FAM81A: variants seen among roughly 807,000 people sequenced by gnomAD.
The protein encoded by FAM81A is protein FAM81A.
A neutral mutation model predicts 46.7 loss-of-function variants in FAM81A; 19 were observed. The observed-to-expected ratio is 0.41, with a 90% confidence interval of 0.28 to 0.60. FAM81A has a LOEUF of 0.60. Among genes scored for constraint, FAM81A ranks in the 20% least tolerant of loss-of-function variants. The probability of loss-of-function intolerance (pLI) is 0.34; values close to 1 mark genes in which losing one functional copy is unlikely to be tolerated. For missense variants in FAM81A, 377 were observed against 453.5 expected (o/e 0.83, Z 1.53); for synonymous variants, 183 against 152.9 (o/e 1.20, Z -1.45).
chr15:59,435,197 G>C (rs2081237950), upstream of FAM81A, among the ~76,000 whole-genome samples: 1 of 152,146 alleles, frequency 6.6e-6, no homozygotes, highest in South Asian at 2.1e-4. Context: ...TGAGGCGGGA[G>C]AATTGCTTGA....
At chr15:59,435,258 G>C (rs1457101358), upstream of FAM81A, among the ~76,000 whole-genome samples, 1 of 150,630 alleles carries the variant, frequency 6.6e-6, no homozygotes, top group African/African-American at 2.4e-5. Context: ...CTGCACTCCA[G>C]CCTGGCGACA....
intron 4 of FAM81A, among the ~76,000 whole-genome samples, chr15:59,496,674 C>G (rs2082037580): frequency 6.6e-6 from 1 of 152,090 alleles, no homozygotes; most frequent in Non-Finnish European, 1.5e-5. Flanking sequence ...CAATTCTATT[C>G]CATTGATTCT....
intron 2 of FAM81A, among the ~76,000 whole-genome samples, chr15:59,415,174 A>C (rs546188586): frequency 6.8e-6 from 1 of 146,386 alleles, no homozygotes; most frequent in East Asian, 2.0e-4. Flanking sequence ...GCTGGAGTGC[A>C]GTGGCACGAT....
At chr15:59,491,436 T>G (rs1464498066) in intron 3 of FAM81A, among the ~76,000 whole-genome samples, 1 of 150,022 alleles carries the variant, frequency 6.7e-6, no homozygotes, top group Non-Finnish European at 1.5e-5. Context: ...TAGTGGGGGG[T>G]GGGGTGGAAA....
chr15:59,444,426 T>C (rs568564765), intron 1 of FAM81A: 2 of 152,270 alleles, frequency 1.3e-5, no homozygotes, highest in Non-Finnish European at 2.9e-5. Flanking sequence ...TAACGTCGTG[T>C]GTATGTGTCA....
intron 4 of FAM81A, 115 bp downstream of exon 4, chr15:59,492,504 A>G (rs2081992190): frequency 1.3e-6 from 1 of 778,968 alleles, no homozygotes; most frequent in African/African-American, 1.7e-5. Flanking sequence ...TTCCTTTAGT[A>G]CATTCCCTCC....
At chr15:59,472,638 A>G (rs1212062986) in intron 3 of FAM81A, among the ~76,000 whole-genome samples, 3 of 150,972 alleles carry the variant, frequency 2.0e-5, no homozygotes, top group African/African-American at 7.3e-5. Flanking sequence ...GTAGCCTCTA[A>G]CTCCTGGGTT....
At chr15:59,419,849 G>C (rs1169945486) in intron 2 of FAM81A, among the ~76,000 whole-genome samples, 3 of 152,134 alleles carry the variant, frequency 2.0e-5, no homozygotes, top group Non-Finnish European at 2.9e-5. Context: ...CTGTACTCAA[G>C]CCTGGACAAC....
intron 2 of FAM81A, among the ~76,000 whole-genome samples, chr15:59,424,771 C>G (rs1790751203): frequency 6.6e-6 from 1 of 152,210 alleles, no homozygotes; most frequent in East Asian, 1.9e-4. Context: ...TCCACCGTGT[C>G]TATATCTATT....
chr15:59,428,041 C>G (rs914337190), intron 2 of FAM81A, among the ~76,000 whole-genome samples: 1 of 152,214 alleles, frequency 6.6e-6, no homozygotes, highest in Non-Finnish European at 1.5e-5. Context: ...CGAGGATTCC[C>G]TCTTCTGCAC....
intron 3 of FAM81A, among the ~76,000 whole-genome samples, chr15:59,474,050 G>A (rs76007832): frequency 0.041 from 6,219 of 152,202 alleles, 186 homozygotes; most frequent in Non-Finnish European, 0.063. Context: ...TTCATTTTAG[G>A]AAGCCCTCCT....
intron 3 of FAM81A, among the ~76,000 whole-genome samples, chr15:59,470,985 G>T (rs1238665983): frequency 6.6e-6 from 1 of 151,986 alleles, no homozygotes; most frequent in Admixed American, 6.6e-5. Flanking sequence ...ACCACATCCA[G>T]CTAATTTTTT....
upstream of FAM81A, among the ~76,000 whole-genome samples, chr15:59,436,892 G>A (rs1338846131): frequency 6.6e-6 from 1 of 152,220 alleles, no homozygotes; most frequent in Non-Finnish European, 1.5e-5. Context: ...ATTATTTGAT[G>A]AATGCTCGTC....
intron 1 of FAM81A, among the ~76,000 whole-genome samples, chr15:59,451,178 A>C (rs1320803024): frequency 6.6e-6 from 1 of 152,334 alleles, no homozygotes; most frequent in South Asian, 2.1e-4. Context: ...TCTGGTTCCC[A>C]TCAGAGGTGA....
Position 59,522,947 on chromosome 15 carries a change from A to G in FAM81A, c.*1569A>G, listed in dbSNP as rs1184979279. 1.3e-5 allele frequency: 2 copies of G among 152,562 alleles called. No homozygotes were observed. The highest frequency in any genetic ancestry group is 4.8e-5 in the African/African-American group (2 of 41,430). The allele number at this position is 152,562 out of a possible 1,614,324, so 9.5% of individuals were successfully genotyped here. A position where few individuals can be genotyped will look rare whatever the true frequency, so the allele number is the denominator to read the frequency against. On this transcript the variant is annotated 3_prime_UTR_variant, in exon 9 of 9. Coordinates refer to ENST00000288228, the MANE Select transcript of FAM81A (RefSeq NM_152450.3). Reference sequence around the variant, plus strand: ...ACACATATTTTCTTATTTTGCCACAAATTTCCACTTAACAAATAAAAAAAG... The same window carrying G: ...ACACATATTTTCTTATTTTGCCACAGATTTCCACTTAACAAATAAAAAAAG...
intron 7 of FAM81A, 95 bp from the exon 8 acceptor site, chr15:59,516,550 T>C: frequency 8.0e-7 from 1 of 1,251,250 alleles, no homozygotes; most frequent in African/African-American, 1.5e-5. Context: ...AATCTGTTTC[T>C]TGCAGATTGT....
intron 5 of FAM81A, among the ~76,000 whole-genome samples, chr15:59,508,480 A>G (rs2082171614): frequency 2.0e-5 from 3 of 152,186 alleles, no homozygotes; most frequent in Non-Finnish European, 4.4e-5. Context: ...TGAGACCTTG[A>G]TGGATTTTGT....
chr15:59,453,204 C>T (rs2081440196), intron 1 of FAM81A, among the ~76,000 whole-genome samples: 1 of 152,212 alleles, frequency 6.6e-6, no homozygotes, highest in Non-Finnish European at 1.5e-5. Flanking sequence ...TATTCCATAG[C>T]CTCCTGTGGC....
intron 2 of FAM81A, chr15:59,406,940 C>G (rs2081097721): frequency 6.7e-6 from 1 of 149,422 alleles, no homozygotes; most frequent in Admixed American, 6.8e-5. Context: ...TTTTTATGTG[C>G]AGAAAACTCA....
Sources: allele counts gnomAD v4.1 joint callset (sites outside exome capture counted in the v4.1 genomes callset), GRCh38; gene constraint gnomAD v4.1.1; transcripts MANE v1.5; gene names NCBI Gene and HGNC (gene_info 2026-07-23, HGNC 2026-07-21).